The following PRDM2 variants were observed in gnomAD, a reference collection of about 807,000 sequenced individuals.
PRDM2 encodes the protein PR domain zinc finger protein 2.
Under a neutral mutation model 130.0 loss-of-function variants are expected in PRDM2, and 30 were observed. The ratio of observed to expected loss-of-function variants is 0.23; its 90% CI spans 0.17 to 0.31. PRDM2 has a LOEUF of 0.31. Among genes scored for constraint, PRDM2 ranks in the 10% least tolerant of loss-of-function variants. The probability of loss-of-function intolerance (pLI) is 1.00; values close to 1 mark genes in which losing one functional copy is unlikely to be tolerated. For missense variants in PRDM2, 2,011 were observed against 2,108.4 expected (o/e 0.95, Z 0.90); for synonymous variants, 871 against 782.4 (o/e 1.11, Z -1.89).
rs762204326 is a variant in PRDM2 at position 13,781,058 on chromosome 1, G to A, written c.3263G>A (p.Gly1088Asp). 1 of 1,612,118 alleles carries A rather than the reference G, an allele frequency of 6.2e-7. No homozygotes were observed. The highest frequency in any genetic ancestry group is 8.5e-7 in the Non-Finnish European group (1 of 1,178,712). Residue 1088 changes from glycine to aspartate, a missense_variant, in exon 8 of 10, where the codon GGT becomes GAT. Around this residue, in one of 5 missense-constraint regions of PRDM2, gnomAD observed 1,288 missense variants for 1,237.7 expected, o/e 1.04. Transcript: ENST00000311066. This position sits in a 1 kb window ranked among gnomAD's most constrained non-coding sequence, Gnocchi z 6.1. ...LSAISSVVSS[G>D]DNLEASLPMI... ...GCAATATCATCTGTTGTTTCCTCTG[G>A]TGATAATCTGGAGGCTTCTCTCCCC...
chr1:13,774,244 AAGG>A (rs1326986179), intron 7 of PRDM2, among the ~76,000 whole-genome samples: 2 of 152,206 alleles, frequency 1.3e-5, no homozygotes, highest in Non-Finnish European at 2.9e-5. Flanking sequence ...TACAGAAGGG[AAGG>A]AGGTGTGTCT....
intron 1 of PRDM2, among the ~76,000 whole-genome samples, chr1:13,706,831 A>G (rs1159749276): frequency 2.0e-5 from 3 of 152,112 alleles, no homozygotes; most frequent in Non-Finnish European, 2.9e-5. Flanking sequence ...GGCCTCTTAA[A>G]CTGTAGAATA....
intron 8 of PRDM2, among the ~76,000 whole-genome samples, chr1:13,808,664 CAG>C (rs1557673947): frequency 1.3e-5 from 2 of 152,062 alleles, no homozygotes; most frequent in African/African-American, 4.8e-5. Context: ...GGGAATATCA[CAG>C]AGTCTTGAAT....
intron 2 of PRDM2, among the ~76,000 whole-genome samples, chr1:13,717,801 T>C (rs1283551860): frequency 1.3e-5 from 2 of 152,168 alleles, no homozygotes; most frequent in Admixed American, 1.3e-4. Flanking sequence ...TGTCCTCTTA[T>C]GTTTCTAATG....
At chr1:13,818,844 A>G (rs1645301374) in intron 9 of PRDM2, among the ~76,000 whole-genome samples, 1 of 152,066 alleles carries the variant, frequency 6.6e-6, no homozygotes, top group Non-Finnish European at 1.5e-5. Flanking sequence ...GCTCCCTGAG[A>G]GGGGAACCTG....
rs2235519 is a variant in PRDM2 at position 13,809,222 on chromosome 1, G to T, written c.5037-7205G>T. On this transcript the variant is annotated intron_variant, in intron 8 of 9. Coordinates refer to ENST00000311066, the MANE Select transcript of PRDM2 (RefSeq NM_001393986.1). Reference sequence around the variant, plus strand: ...CATGGGGTTTTGACAGGTTGCAGCAGGGGCGTGTCGTGGTCCGTTTTGCCT... The same window carrying T: ...CATGGGGTTTTGACAGGTTGCAGCATGGGCGTGTCGTGGTCCGTTTTGCCT... Among the ~76,000 whole-genome samples the T allele has an allele frequency of 4.0e-3, 611 of 152,334 alleles. 12 individuals are homozygous for T. The East Asian group carries it at 0.05, about 12-fold the overall frequency.
At chr1:13,776,282 G>A (rs1434207950) in intron 7 of PRDM2, among the ~76,000 whole-genome samples, 1 of 152,094 alleles carries the variant, frequency 6.6e-6, no homozygotes, top group Non-Finnish European at 1.5e-5. Flanking sequence ...AGTGATTGGG[G>A]GAACAGCCAG....
intron 4 of PRDM2, among the ~76,000 whole-genome samples, chr1:13,736,080 C>CT (rs921212426): frequency 9.1e-4 from 136 of 149,242 alleles, no homozygotes; most frequent in African/African-American, 3.2e-3. Context: ...ATATCTATGT[C>CT]TACTACTTAT....
intron 9 of PRDM2, 144 bp downstream of exon 9, chr1:13,816,714 A>T: frequency 2.6e-6 from 3 of 1,141,418 alleles, no homozygotes; most frequent in Non-Finnish European, 3.6e-6. Flanking sequence ...GCCTCCCTCC[A>T]GGAGGGCACT....
At chr1:13,731,233 G>A (rs1643097046) in intron 3 of PRDM2, 116 bp downstream of exon 3, 4 of 772,118 alleles carry the variant, frequency 5.2e-6, no homozygotes, top group Non-Finnish European at 6.5e-6. Flanking sequence ...ATTTACCCTT[G>A]ACTTAGAAGA....
chr1:13,704,478 A>C (rs1054001525), intron 1 of PRDM2, among the ~76,000 whole-genome samples: 8 of 152,166 alleles, frequency 5.3e-5, no homozygotes, highest in Non-Finnish European at 1.2e-4. Context: ...AATACTTATT[A>C]TTTTCCAGCC....
chr1:13,798,959 G>A (rs948040399), intron 8 of PRDM2, among the ~76,000 whole-genome samples: 1 of 152,200 alleles, frequency 6.6e-6, no homozygotes, highest in African/African-American at 2.4e-5. Context: ...AACCGGATCT[G>A]CAACACAGTA....
At chr1:13,700,441 C>T (rs1378246242) in intron 1 of PRDM2, 141 bp downstream of exon 1, 2 of 150,104 alleles carry the variant, frequency 1.3e-5, no homozygotes, top group African/African-American at 2.4e-5. Context: ...GGACGCGCCC[C>T]CTCAGAGGTC....
chr1:13,702,016 C>T (rs886775542), intron 1 of PRDM2, among the ~76,000 whole-genome samples: 2 of 152,100 alleles, frequency 1.3e-5, no homozygotes, highest in Non-Finnish European at 2.9e-5. Context: ...AAAAGATTCT[C>T]ACTGTAGAAA....
chr1:13,737,400 A>G lies in PRDM2; in HGVS notation c.231+4518A>G, dbSNP rs545595962. On this transcript the variant is annotated intron_variant, in intron 4 of 9. Transcript: ENST00000311066. ...TTATCTATGGCTTCTTTTGCCCCAT[A>G]ATCACAGAGTTGAGCAGTGGTGATG... is the stretch of plus-strand genomic sequence containing the variant. Among the ~76,000 whole-genome samples, 6 of 152,344 alleles carry G rather than the reference A, an allele frequency of 3.9e-5. No homozygotes were observed. In the East Asian group the frequency reaches 1.2e-3, roughly 29 times the overall value.
At position 13,778,925 on chromosome 1, in the gene PRDM2, G is replaced by A. The variant is rs775625521; in HGVS notation, c.1130G>A (p.Arg377His). 5 of 1,614,204 alleles carry A rather than the reference G, an allele frequency of 3.1e-6. No homozygotes were observed. The highest frequency in any genetic ancestry group is 3.4e-6 in the Non-Finnish European group (4 of 1,180,040). ...RKFTTKQGLE[R>H]HMHIHISTVN... The stretch of plus-strand genomic sequence containing the variant: ...TTTACAACCAAACAGGGGCTTGAGC[G>A]TCACATGCATATCCATATATCCACC... The change falls in exon 8 of 10, where the codon CGT becomes CAT. Residue 377 changes from arginine to histidine, a missense_variant. Coordinates refer to ENST00000311066, the MANE Select transcript of PRDM2 (RefSeq NM_001393986.1).
In PRDM2 at chr1:13,749,456, G is replaced by A; in HGVS notation, c.480G>A (p.Arg160=). The change falls in exon 6 of 10, where the codon CGG becomes CGA. Residue 160 remains arginine (R), a synonymous_variant. Transcript: ENST00000311066. ...AAIEEERASA[R]SKRSSPKSRK... The stretch of plus-strand genomic sequence containing the variant: ...TTGAGGAAGAGCGAGCCAGCGCCCG[G>A]AGCAAGCGGAGCTCCCCCAAGAGCC... The A allele has an allele frequency of 6.7e-7, 1 of 1,500,268 alleles. No homozygotes were observed. Among genetic ancestry groups the A allele is most frequent in the Admixed American group, 1.8e-5 (1 of 54,262 alleles). 92.9% of individuals were successfully genotyped at this position (1,500,268 alleles called of 1,614,324 possible).
At chr1:13,767,908 C>G (rs566737855) in intron 6 of PRDM2, among the ~76,000 whole-genome samples, 1 of 151,840 alleles carries the variant, frequency 6.6e-6, no homozygotes, top group Admixed American at 6.6e-5. Flanking sequence ...CCCAGGAGGT[C>G]GAGGCTGCAG....
intron 2 of PRDM2, among the ~76,000 whole-genome samples, chr1:13,716,209 C>T (rs1308822274): frequency 1.3e-5 from 2 of 149,864 alleles, no homozygotes; most frequent in African/African-American, 4.9e-5. Context: ...AACAAAAAAC[C>T]AAACACCGCA....
Sources: gnomAD v4.1 joint callset for allele counts (sites outside exome capture counted in the v4.1 genomes callset) on GRCh38, gnomAD v4.1.1 for gene constraint, gnomAD v4.1.1 regional missense constraint, Gnocchi (gnomAD v3.1) non-coding constraint, MANE v1.5 for transcripts, NCBI Gene and HGNC (gene_info 2026-07-23, HGNC 2026-07-21) for gene names.